Variants in ZNF618 observed in about 807,000 individuals in gnomAD.
ZNF618 encodes zinc finger protein 618.
In ZNF618, 34 loss-of-function variants were observed where a neutral mutation model predicts 103.0. The observed-to-expected ratio is 0.33, with a 90% confidence interval of 0.25 to 0.44. The LOEUF is 0.44. ZNF618 is among the 20% of genes least tolerant of loss of function. ZNF618 has a pLI of 1.00. For missense variants in ZNF618, 1,059 were observed against 1,295.4 expected (o/e 0.82, Z 2.80); for synonymous variants, 551 against 542.2 (o/e 1.02, Z -0.23).
At position 114,007,428 on chromosome 9, in the gene ZNF618, A is replaced by G; in HGVS notation, c.629A>G (p.His210Arg). Residue 210 changes from histidine (H) to arginine (R), a missense_variant, in exon 7 of 15, where the codon CAC (histidine) becomes CGC (arginine). By Grantham distance (29) the His-to-Arg change is conservative. Transcript: ENST00000374126. ...YSCFQEHRDL[H>R]AVDVFSVEGA... Reference sequence around the variant, plus strand: ...TGTTTCCAAGAGCACCGAGACCTGCACGCAGTGGATGGTGAGTCAGGCCCC... The same window carrying G: ...TGTTTCCAAGAGCACCGAGACCTGCGCGCAGTGGATGGTGAGTCAGGCCCC... 6.2e-7 allele frequency: 1 copy of G among 1,613,354 alleles called. No homozygotes were observed. Among genetic ancestry groups the G allele is most frequent in the East Asian group, 2.2e-5 (1 of 44,856 alleles).
chr9:114,022,319 A>G (rs532256261), intron 10 of ZNF618, among the ~76,000 whole-genome samples: 9 of 152,038 alleles, frequency 5.9e-5, no homozygotes, highest in Non-Finnish European at 1.0e-4. Flanking sequence ...AATTTTCTGA[A>G]GAGTTTATAT....
intron 3 of ZNF618, among the ~76,000 whole-genome samples, chr9:113,989,261 G>A (rs948642349): frequency 1.3e-5 from 2 of 151,726 alleles, no homozygotes; most frequent in Admixed American, 6.5e-5. Flanking sequence ...AAGGCACGCC[G>A]CGTGTGTGGA....
chr9:113,923,281 A>G (rs913332666), intron 1 of ZNF618, among the ~76,000 whole-genome samples: 1 of 152,012 alleles, frequency 6.6e-6, no homozygotes, highest in African/African-American at 2.4e-5. Flanking sequence ...TATACCTTTT[A>G]TTTCCTTTTC....
At chr9:113,903,558 G>C (rs1209126300) in intron 1 of ZNF618, among the ~76,000 whole-genome samples, 1 of 151,486 alleles carries the variant, frequency 6.6e-6, no homozygotes, top group Non-Finnish European at 1.5e-5. Flanking sequence ...TGGGTATTTT[G>C]ATATTCCCAG....
rs545145709 is a variant in ZNF618 at position 114,026,396 on chromosome 9, G to A, written c.845-2337G>A. Among the ~76,000 whole-genome samples, 10 of 152,298 alleles carry A rather than the reference G, an allele frequency of 6.6e-5. No individual in the cohort carries two copies. The South Asian group carries it at 2.1e-3, about 32-fold the overall frequency. ...CCCTGCCACAGGGAAAGAGGGGGCTGTGTGCCTCAGAATGCCAGGATCTTT... is the reference window on the plus strand; with the variant it reads ...CCCTGCCACAGGGAAAGAGGGGGCTATGTGCCTCAGAATGCCAGGATCTTT... On this transcript the variant is annotated intron_variant, in intron 10 of 14. Coordinates refer to ENST00000374126, the MANE Select transcript of ZNF618 (RefSeq NM_001318042.2).
intron 1 of ZNF618, among the ~76,000 whole-genome samples, chr9:113,905,756 C>T (rs1047331010): frequency 2.6e-5 from 4 of 152,178 alleles, no homozygotes. Flanking sequence ...AGCTCATTCT[C>T]CGCATGATTC....
chr9:113,876,983 TAAA>T (rs1430027566), intron 1 of ZNF618, among the ~76,000 whole-genome samples: 2 of 152,070 alleles, frequency 1.3e-5, no homozygotes, highest in Non-Finnish European at 2.9e-5. Context: ...ATTTTGTAAA[TAAA>T]AAAGAAATTA....
At chr9:113,988,676 C>T (rs1388829338) in intron 3 of ZNF618, 96 bp downstream of exon 3, 10 of 1,453,616 alleles carry the variant, frequency 6.9e-6, no homozygotes, top group Admixed American at 4.6e-5. Flanking sequence ...TGCCCCCTTC[C>T]TGGCTGAGAG....
At chr9:114,048,199 G>A (rs978264765) in intron 14 of ZNF618, among the ~76,000 whole-genome samples, 6 of 152,228 alleles carry the variant, frequency 3.9e-5, no homozygotes, top group African/African-American at 1.4e-4. Context: ...GAGAGGAGGT[G>A]ACTTTTTTTG....
chr9:113,924,533 GT>G lies in ZNF618; in HGVS notation c.34-44580del, dbSNP rs578030459. 9.6e-5 allele frequency among the ~76,000 whole-genome samples: 14 copies of G among 146,550 alleles called. No homozygotes were observed. The South Asian group carries it at 2.8e-3, about 30-fold the overall frequency. ...CATTAATTTTCTCTACTCATTTCCT[GT>G]TTTAAATTTCATTGATTTCTGCTCT... On this transcript the variant is annotated intron_variant, in intron 1 of 14. Transcript: ENST00000374126.
chr9:113,962,154 G>A (rs1433589015), intron 1 of ZNF618, among the ~76,000 whole-genome samples: 1 of 152,206 alleles, frequency 6.6e-6, no homozygotes, highest in Non-Finnish European at 1.5e-5. Context: ...CTGTGCTGAT[G>A]GTTAGTATTC....
intron 1 of ZNF618, among the ~76,000 whole-genome samples, chr9:113,941,067 C>T (rs994210684): frequency 1.3e-5 from 2 of 151,904 alleles, no homozygotes; most frequent in Non-Finnish European, 2.9e-5. Flanking sequence ...CTCCTTTCTG[C>T]TTGTCCCTTC....
chr9:113,951,437 ATATACATATATGTG>A (rs1835634343), intron 1 of ZNF618, among the ~76,000 whole-genome samples: 1 of 82,012 alleles, frequency 1.2e-5, no homozygotes, highest in African/African-American at 4.8e-5. Context: ...GTGTGTATAT[ATATACATATATGTG>A]TATATATACA....
intron 1 of ZNF618, among the ~76,000 whole-genome samples, chr9:113,926,304 T>G (rs1486309231): frequency 6.6e-6 from 1 of 152,018 alleles, no homozygotes; most frequent in Non-Finnish European, 1.5e-5. Flanking sequence ...CAATATTTTC[T>G]TTTTGTCTTT....
chr9:114,054,922 GC>G lies in ZNF618; in HGVS notation c.*4759del, dbSNP rs1846366884. The G allele has an allele frequency of 6.7e-6, 1 of 150,226 alleles. No individual in the cohort carries two copies. Among genetic ancestry groups the G allele is most frequent in the African/African-American group, 2.4e-5 (1 of 40,996 alleles). 9.3% of individuals were successfully genotyped at this position (150,226 alleles called of 1,614,324 possible). A position where few individuals can be genotyped will look rare whatever the true frequency, so the allele number is the denominator to read the frequency against. On this transcript the variant is annotated 3_prime_UTR_variant, in exon 15 of 15. Transcript: ENST00000374126. Reference sequence around the variant, plus strand: ...TCAGGTCACTGTTTGACATATTCATGCCCCGTCCCTTCCCCCCCCACCCCCC... The same window carrying G: ...TCAGGTCACTGTTTGACATATTCATGCCCGTCCCTTCCCCCCCCACCCCCC...
In ZNF618 at chr9:114,008,515, A is replaced by G. The variant is rs1841961800; in HGVS notation, c.715A>G (p.Lys239Glu). ...DQGVVATDEV[K>E]EEPPEPFQKI... Reference sequence around the variant, plus strand: ...AGGTGTCGTGGCCACGGACGAGGTGAAGGAGGAGCCCCCGGAGCCATTCCA... The same window carrying G: ...AGGTGTCGTGGCCACGGACGAGGTGGAGGAGGAGCCCCCGGAGCCATTCCA... The change falls in exon 9 of 15, where the codon AAG becomes GAG. Residue 239 changes from lysine (K) to glutamate (E), a missense_variant. By Grantham distance (56) the Lys-to-Glu change is moderately conservative. This residue lies in a region of ZNF618 where 434 missense variants were observed against 476.0 expected (regional missense o/e 0.91). Coordinates refer to ENST00000374126, the MANE Select transcript of ZNF618 (RefSeq NM_001318042.2). 6.2e-7 allele frequency: 1 copy of G among 1,613,842 alleles called. No homozygotes were observed. Among genetic ancestry groups the G allele is most frequent in the Non-Finnish European group, 8.5e-7 (1 of 1,179,876 alleles).
chr9:114,018,695 T>C (rs1277104307), intron 10 of ZNF618, among the ~76,000 whole-genome samples: 1 of 152,226 alleles, frequency 6.6e-6, no homozygotes, highest in Non-Finnish European at 1.5e-5. Flanking sequence ...GGTGCATCTC[T>C]CCTGAAGGGC....
intron 1 of ZNF618, among the ~76,000 whole-genome samples, chr9:113,900,398 A>G (rs564413040): frequency 1.3e-5 from 2 of 152,246 alleles, no homozygotes; most frequent in South Asian, 4.2e-4. Flanking sequence ...TAACCCTAAC[A>G]GTTTTTTGCA....
At position 114,028,853 on chromosome 9, in the gene ZNF618, A is replaced by G. The variant is rs1189080113; in HGVS notation, c.965A>G (p.Lys322Arg). 20 of 1,550,620 alleles carry G rather than the reference A, an allele frequency of 1.3e-5. No homozygotes were observed. Among genetic ancestry groups the G allele is most frequent in the Non-Finnish European group, 1.7e-5 (20 of 1,146,954 alleles). Residue 322 changes from lysine to arginine, a missense_variant, in exon 11 of 15, where the codon AAA becomes AGA. This residue lies in a region of ZNF618 where 434 missense variants were observed against 476.0 expected (regional missense o/e 0.91). Coordinates refer to ENST00000374126, the MANE Select transcript of ZNF618 (RefSeq NM_001318042.2). ...AAKTQTNQSG[K>R]KAPASVVRCA... ...AAGACCCAGACGAACCAGTCGGGGA[A>G]AAAAGCTCCGGCCTCCGTGGTCCGA... is the stretch of plus-strand genomic sequence containing the variant.
Sources: allele counts gnomAD v4.1 joint callset (sites outside exome capture counted in the v4.1 genomes callset), GRCh38; gene constraint gnomAD v4.1.1; regional missense constraint gnomAD v4.1.1; transcripts MANE v1.5; gene names NCBI Gene and HGNC (gene_info 2026-07-23, HGNC 2026-07-21).